Variants in CDH4 observed in about 807,000 individuals in gnomAD.
CDH4 encodes cadherin 4.
Under a neutral mutation model 86.0 loss-of-function variants are expected in CDH4, and 33 were observed. That is an observed-to-expected ratio of 0.38 (90% CI 0.29 to 0.51). The LOEUF is 0.51. Among genes scored for constraint, CDH4 ranks in the 20% least tolerant of loss-of-function variants. The pLI is 0.86. For synonymous variants in CDH4, 555 were observed against 549.4 expected, an observed-to-expected ratio of 1.01 and a Z score of -0.14; for missense variants, 1,114 against 1,307.4, an observed-to-expected ratio of 0.85 and a Z score of 2.28.
intron 2 of CDH4, among the ~76,000 whole-genome samples, chr20:61,319,797 A>C (rs1248346068): frequency 6.6e-6 from 1 of 151,978 alleles, no homozygotes; most frequent in South Asian, 2.1e-4. Context: ...AAAAAAAAAA[A>C]AACAAAATTA....
intron 2 of CDH4, among the ~76,000 whole-genome samples, chr20:61,535,827 C>T (rs2085992958): frequency 6.6e-6 from 1 of 152,164 alleles, no homozygotes; most frequent in Non-Finnish European, 1.5e-5. Context: ...CAGTGCCGGT[C>T]CTTTGGGCAT....
At chr20:61,787,957 C>T (rs769946390) in intron 4 of CDH4, among the ~76,000 whole-genome samples, 4 of 152,110 alleles carry the variant, frequency 2.6e-5, no homozygotes, top group Non-Finnish European at 4.4e-5. Context: ...CACTCAGGGG[C>T]GTGTGGCCAT....
At chr20:61,355,014 G>A (rs933771209) in intron 2 of CDH4, among the ~76,000 whole-genome samples, 1 of 151,404 alleles carries the variant, frequency 6.6e-6, no homozygotes, top group African/African-American at 2.4e-5. Flanking sequence ...CAAAGCCGAT[G>A]TAATTCTTGC....
chr20:61,755,184 CT>C (rs1219745606), intron 3 of CDH4: 1 of 152,198 alleles, frequency 6.6e-6, no homozygotes, highest in Non-Finnish European at 1.5e-5. Context: ...TTGCCTCCCC[CT>C]GGGTTCCTCC....
chr20:61,653,754 G>A lies in CDH4; in HGVS notation c.170-89809G>A, dbSNP rs1378332450. ...CTCCTCACATCCCAGACGGGGCGGCGGGGCAGAGGCGCTCCCCACATCCCA... is the reference window on the plus strand; with the variant it reads ...CTCCTCACATCCCAGACGGGGCGGCAGGGCAGAGGCGCTCCCCACATCCCA... On this transcript the variant is annotated intron_variant, in intron 2 of 15. Coordinates refer to ENST00000614565, the MANE Select transcript of CDH4 (RefSeq NM_001794.5). 2.0e-4 allele frequency among the ~76,000 whole-genome samples: 22 copies of A among 109,194 alleles called. 2 individuals are homozygous for A. The highest frequency in any genetic ancestry group is 6.1e-4 in the African/African-American group (20 of 32,824). The allele number at this position is 109,194 out of a possible 152,430, so 71.6% of individuals were successfully genotyped here.
At chr20:61,522,585 A>G (rs1362263908) in intron 2 of CDH4, among the ~76,000 whole-genome samples, 1 of 152,196 alleles carries the variant, frequency 6.6e-6, no homozygotes, top group African/African-American at 2.4e-5. Context: ...AACTTAGTAA[A>G]AGGTAATTTG....
Position 61,500,141 on chromosome 20 carries a change from C to T in CDH4, c.170-243422C>T, listed in dbSNP as rs6121650. On this transcript the variant is annotated intron_variant, in intron 2 of 15. Coordinates refer to ENST00000614565, the MANE Select transcript of CDH4 (RefSeq NM_001794.5). ...CCCAGCCGAATGGAGCAGGGCGTCC[C>T]CTGGCCTCGGGATGGTCCCGTGTGT... is the stretch of plus-strand genomic sequence containing the variant. Among the ~76,000 whole-genome samples, 323 of 152,330 alleles carry T rather than the reference C, an allele frequency of 2.1e-3. 2 individuals carry two copies. The highest frequency in any genetic ancestry group is 7.4e-3 in the African/African-American group (306 of 41,570).
intron 2 of CDH4, among the ~76,000 whole-genome samples, chr20:61,672,301 G>T (rs543137655): frequency 6.6e-6 from 1 of 152,242 alleles, no homozygotes; most frequent in South Asian, 2.1e-4. Flanking sequence ...ATGGATGGGT[G>T]TGTGGATGGA....
intron 2 of CDH4, among the ~76,000 whole-genome samples, chr20:61,420,366 T>A (rs185219600): frequency 6.6e-6 from 1 of 152,226 alleles, no homozygotes; most frequent in African/African-American, 2.4e-5. Flanking sequence ...CTAAAGGCCA[T>A]GGAATGAAAG....
intron 2 of CDH4, among the ~76,000 whole-genome samples, chr20:61,632,345 A>C (rs2427204): frequency 6.6e-6 from 1 of 151,890 alleles, no homozygotes; most frequent in Non-Finnish European, 1.5e-5. Context: ...AATACCCACT[A>C]TATCACCCCC....
At chr20:61,753,799 G>T (rs556158145) in intron 3 of CDH4, among the ~76,000 whole-genome samples, 11 of 152,364 alleles carry the variant, frequency 7.2e-5, no homozygotes, top group African/African-American at 2.4e-4. Flanking sequence ...GGCGGGTCCA[G>T]GCGCTGACCT....
chr20:61,806,402 C>T (rs1326117604), intron 4 of CDH4, among the ~76,000 whole-genome samples: 1 of 152,230 alleles, frequency 6.6e-6, no homozygotes, highest in African/African-American at 2.4e-5. Flanking sequence ...GAGGACCGTC[C>T]ACTCGCCTGC....
intron 2 of CDH4, among the ~76,000 whole-genome samples, chr20:61,571,758 C>T (rs998998949): frequency 1.3e-5 from 2 of 149,748 alleles, no homozygotes; most frequent in African/African-American, 4.9e-5. Flanking sequence ...CTTTCCCTCC[C>T]CTTCCCACCC....
intron 2 of CDH4, chr20:61,434,846 C>T (rs1056598396): frequency 1.2e-4 from 18 of 152,268 alleles, no homozygotes; most frequent in African/African-American, 4.3e-4. Context: ...CCAGTCATTC[C>T]TCCCTGGGCT....
intron 2 of CDH4, among the ~76,000 whole-genome samples, chr20:61,637,464 T>C (rs1476695221): frequency 6.6e-6 from 1 of 152,246 alleles, no homozygotes; most frequent in Non-Finnish European, 1.5e-5. Context: ...CTTGGTTACC[T>C]GCTTTTACCT....
At chr20:61,629,868 A>G (rs1178622024) in intron 2 of CDH4, among the ~76,000 whole-genome samples, 1 of 152,156 alleles carries the variant, frequency 6.6e-6, no homozygotes. Flanking sequence ...GGCCTCTGCA[A>G]ATGGAACCAG....
chr20:61,850,149 G>C (rs777065657), intron 5 of CDH4, among the ~76,000 whole-genome samples: 1 of 152,204 alleles, frequency 6.6e-6, no homozygotes, highest in African/African-American at 2.4e-5. Context: ...GAAGGATTCC[G>C]TAAGTTAGAC....
At chr20:61,720,238 A>T (rs909233252) in intron 2 of CDH4, among the ~76,000 whole-genome samples, 2 of 152,088 alleles carry the variant, frequency 1.3e-5, no homozygotes, top group Non-Finnish European at 2.9e-5. Context: ...TCTCTCAAGG[A>T]TGCAGCAGCC....
At chr20:61,890,293 G>A (rs1984761583) in intron 7 of CDH4, among the ~76,000 whole-genome samples, 1 of 151,722 alleles carries the variant, frequency 6.6e-6, no homozygotes, top group South Asian at 2.1e-4. Flanking sequence ...GTGGATGATA[G>A]AAGGGTGGAT....
Sources: gnomAD v4.1 joint callset for allele counts (sites outside exome capture counted in the v4.1 genomes callset) on GRCh38, gnomAD v4.1.1 for gene constraint, MANE v1.5 for transcripts, NCBI Gene and HGNC (gene_info 2026-07-23, HGNC 2026-07-21) for gene names.